CELF2: variants seen among roughly 807,000 people sequenced by gnomAD.
CELF2 encodes the protein CUG triplet repeat RNA-binding protein 2.
CELF2 carries 8 observed loss-of-function variants against 62.6 expected under a neutral mutation model. The ratio of observed to expected loss-of-function variants is 0.13; its 90% CI spans 0.07 to 0.23. The LOEUF is 0.23. Ranked by LOEUF, CELF2 falls within the 10% of genes least tolerant of loss-of-function variation. The probability of loss-of-function intolerance (pLI) is 1.00; values close to 1 mark genes in which losing one functional copy is unlikely to be tolerated. For synonymous variants in CELF2, 258 were observed against 250.0 expected, an observed-to-expected ratio of 1.03 and a Z score of -0.30; for missense variants, 333 against 671.0, an observed-to-expected ratio of 0.50 and a Z score of 5.56.
At chr10:10,551,102 A>T in the CELF2 span, among the ~76,000 whole-genome samples, 1 of 152,202 alleles carries the variant, frequency 6.6e-6, no homozygotes, top group African/African-American at 2.4e-5. Context: ...GTGACCGTCA[A>T]TGTGGAGATC....
the CELF2 span, among the ~76,000 whole-genome samples, chr10:10,598,735 CTTTTTCTT>C: frequency 1.3e-5 from 1 of 78,926 alleles, no homozygotes; most frequent in African/African-American, 4.1e-5. Context: ...TTTTCTTTTT[CTTTTTCTT>C]TTTCTTTCTT....
At chr10:11,072,870 A>G (rs1038683352) in intron 1 of CELF2, among the ~76,000 whole-genome samples, 4 of 152,080 alleles carry the variant, frequency 2.6e-5, no homozygotes, top group African/African-American at 9.7e-5. Flanking sequence ...TGGGAAGCAG[A>G]TATCCCTGAA....
the CELF2 span, among the ~76,000 whole-genome samples, chr10:10,573,473 G>C: frequency 6.6e-6 from 1 of 152,126 alleles, no homozygotes; most frequent in Admixed American, 6.6e-5. Context: ...ATTCCGTTGT[G>C]TGTCCAAGGG....
At chr10:10,762,908 C>G in the CELF2 span, among the ~76,000 whole-genome samples, 4 of 152,106 alleles carry the variant, frequency 2.6e-5, no homozygotes, top group Non-Finnish European at 5.9e-5. Flanking sequence ...CACTGCCCTC[C>G]AGCCTGGGTG....
At chr10:11,182,814 G>C (rs1229917503) in intron 2 of CELF2, among the ~76,000 whole-genome samples, 5 of 152,166 alleles carry the variant, frequency 3.3e-5, no homozygotes, top group Admixed American at 2.6e-4. Flanking sequence ...CCCAATCTCA[G>C]AAGCTCGGCA....
Position 11,227,986 on chromosome 10 carries a change from A to G in CELF2, c.354+10479A>G, listed in dbSNP as rs762804615. On this transcript the variant is annotated intron_variant, in intron 3 of 12. Transcript: ENST00000633077. This position sits in a 1 kb window ranked among gnomAD's most constrained non-coding sequence, Gnocchi z 4.8. ...TGTGTATTTAAATACCTGCCAGGAAACTGTGCAGGTATTTCACATTAAGTA... is the reference window on the plus strand; with the variant it reads ...TGTGTATTTAAATACCTGCCAGGAAGCTGTGCAGGTATTTCACATTAAGTA... Among the ~76,000 whole-genome samples the G allele has an allele frequency of 4.6e-5, 7 of 152,206 alleles. No homozygotes were observed. Among genetic ancestry groups the G allele is most frequent in the Admixed American group, 1.3e-4 (2 of 15,288 alleles).
Position 11,319,485 on chromosome 10 carries a change from G to A in CELF2, c.1097-1704G>A, listed in dbSNP as rs2095302492. ...GGGATCATTTAGGGTAATTAGGACAGTCTGCATCCAAGCTCTTTGGACAGC... is the reference window on the plus strand; with the variant it reads ...GGGATCATTTAGGGTAATTAGGACAATCTGCATCCAAGCTCTTTGGACAGC... On this transcript the variant is annotated intron_variant, in intron 10 of 12. Coordinates refer to ENST00000633077, the MANE Select transcript of CELF2 (RefSeq NM_001326342.2). The surrounding 1 kb of genome is among the most constrained non-coding windows in gnomAD (Gnocchi z 4.4). 1.3e-5 allele frequency among the ~76,000 whole-genome samples: 2 copies of A among 152,284 alleles called. No homozygotes were observed. Among genetic ancestry groups the A allele is most frequent in the South Asian group, 4.1e-4 (2 of 4,826 alleles).
At chr10:10,808,250 G>T (rs2055446497) in intron 1 of CELF2, among the ~76,000 whole-genome samples, 1 of 152,032 alleles carries the variant, frequency 6.6e-6, no homozygotes, top group Non-Finnish European at 1.5e-5. Context: ...GGACACAAAG[G>T]GCATTGACAA....
the CELF2 span, among the ~76,000 whole-genome samples, chr10:10,762,365 AT>A: frequency 1.4e-3 from 207 of 152,234 alleles, 2 homozygotes; most frequent in Middle Eastern, 0.024. Context: ...TTAATTATGG[AT>A]TGTGCTAGCA....
chr10:10,587,306 T>C, the CELF2 span, among the ~76,000 whole-genome samples: 1 of 152,198 alleles, frequency 6.6e-6, no homozygotes, highest in Non-Finnish European at 1.5e-5. Flanking sequence ...CTCCATTGAA[T>C]GATAACCAAC....
chr10:11,257,129 T>G (rs1201862037), intron 4 of CELF2, among the ~76,000 whole-genome samples: 3 of 152,102 alleles, frequency 2.0e-5, no homozygotes, highest in South Asian at 4.1e-4. Flanking sequence ...AGAGGTACTT[T>G]CCTAGCTCCC....
At position 11,165,832 on chromosome 10, in the gene CELF2, GC is replaced by G; in HGVS notation, c.271+151del. Reference sequence around the variant, plus strand: ...TGGCGGCCCCTGTGCTCCAGGGGCTGCTCCCGACTCCTCCCCGCACCCCCGC... The same window carrying G: ...TGGCGGCCCCTGTGCTCCAGGGGCTGTCCCGACTCCTCCCCGCACCCCCGC... On this transcript the variant is annotated intron_variant, in intron 2 of 12. Transcript: ENST00000633077. This position sits in a 1 kb window ranked among gnomAD's most constrained non-coding sequence, Gnocchi z 7.4. 1 of 723,820 alleles carries G rather than the reference GC, an allele frequency of 1.4e-6. No individual in the cohort carries two copies. 44.8% of individuals were successfully genotyped at this position (723,820 alleles called of 1,614,324 possible). A position where few individuals can be genotyped will look rare whatever the true frequency, so the allele number is the denominator to read the frequency against.
the CELF2 span, among the ~76,000 whole-genome samples, chr10:10,489,778 C>CA: frequency 0.097 from 14,793 of 151,934 alleles, 963 homozygotes; most frequent in East Asian, 0.28. Flanking sequence ...CGAAAATCAG[C>CA]AAAATGGTAA....
In CELF2 at chr10:10,970,386, T is replaced by C. The variant is rs943293767; in HGVS notation, c.89+50387T>C. On this transcript the variant is annotated intron_variant, in intron 2 of 13. Coordinates refer to the CELF2 transcript ENST00000636488. Reference sequence around the variant, plus strand: ...CCAGCCAGTGTGATTTTTTTTAATATGATTGGCTGAAGGATTAAAGTGGAA... The same window carrying C: ...CCAGCCAGTGTGATTTTTTTTAATACGATTGGCTGAAGGATTAAAGTGGAA... Among the ~76,000 whole-genome samples, 5 of 152,172 alleles carry C rather than the reference T, an allele frequency of 3.3e-5. No homozygotes were observed. In the East Asian group the frequency reaches 9.6e-4, roughly 29 times the overall value.
chr10:10,884,750 C>G lies in CELF2; in HGVS notation c.54-35214C>G, dbSNP rs117276065. Reference sequence around the variant, plus strand: ...TTTCCTGAACTTGAGGAAATCTGGACAAACTAGGGCCCAGCTAGTTTAGAA... The same window carrying G: ...TTTCCTGAACTTGAGGAAATCTGGAGAAACTAGGGCCCAGCTAGTTTAGAA... On this transcript the variant is annotated intron_variant, in intron 1 of 13. Transcript: ENST00000636488. 6.1e-3 allele frequency among the ~76,000 whole-genome samples: 933 copies of G among 152,316 alleles called. 7 individuals are homozygous for G. Among genetic ancestry groups the G allele is most frequent in the Non-Finnish European group, 0.01 (701 of 68,020 alleles).
intron 1 of CELF2, among the ~76,000 whole-genome samples, chr10:11,101,650 T>C (rs567212348): frequency 6.6e-6 from 1 of 152,354 alleles, no homozygotes; most frequent in African/African-American, 2.4e-5. Context: ...AGCTGTGCTT[T>C]CCACACAGCA....
chr10:11,054,487 GTT>G (rs1491458401), intron 1 of CELF2, among the ~76,000 whole-genome samples: 32 of 93,826 alleles, frequency 3.4e-4, no homozygotes, highest in African/African-American at 1.3e-3. Flanking sequence ...GTGTATGTGT[GTT>G]TGTGTGTGTG....
the CELF2 span, among the ~76,000 whole-genome samples, chr10:10,706,618 C>G: frequency 6.6e-6 from 1 of 152,140 alleles, no homozygotes; most frequent in Non-Finnish European, 1.5e-5. Context: ...AGGTTTCACC[C>G]TGTAAAACGG....
At chr10:10,651,602 C>A in the CELF2 span, among the ~76,000 whole-genome samples, 10 of 144,924 alleles carry the variant, frequency 6.9e-5, no homozygotes, top group Non-Finnish European at 3.0e-5. Context: ...CACCCCCCAG[C>A]AGGGGCACAC....
Sources: gnomAD v4.1 joint callset for allele counts (sites outside exome capture counted in the v4.1 genomes callset) on GRCh38, gnomAD v4.1.1 for gene constraint, Gnocchi (gnomAD v3.1) non-coding constraint, MANE v1.5 for transcripts, NCBI Gene and HGNC (gene_info 2026-07-23, HGNC 2026-07-21) for gene names.